TMEM260: variants seen among roughly 807,000 people sequenced by gnomAD.
TMEM260 encodes the protein protein O-mannosyl-transferase TMEM260.
A neutral mutation model predicts 88.9 loss-of-function variants in TMEM260; 82 were observed. The observed-to-expected ratio is 0.92, with a 90% CI of 0.77 to 1.11. The LOEUF (loss-of-function observed/expected upper bound fraction) is 1.11. TMEM260 is among the 50% of genes least tolerant of loss of function. The pLI, the probability that TMEM260 is intolerant of heterozygous loss-of-function variation, is 0.00. For missense variants in TMEM260, 902 were observed against 853.4 expected (o/e 1.06, Z -0.71); for synonymous variants, 314 against 309.3 (o/e 1.02, Z -0.16).
chr14:56,607,783 G>A (rs1414337667), intron 5 of TMEM260, among the ~76,000 whole-genome samples: 1 of 151,988 alleles, frequency 6.6e-6, no homozygotes, highest in Non-Finnish European at 1.5e-5. Flanking sequence ...AAGTGATCTG[G>A]GGTGAGGCCC....
intron 3 of TMEM260, among the ~76,000 whole-genome samples, chr14:56,591,846 A>T (rs1415440079): frequency 3.3e-5 from 5 of 152,188 alleles, no homozygotes; most frequent in African/African-American, 1.2e-4. Flanking sequence ...AAGTTGATGG[A>T]GTATAATAAA....
chr14:56,601,654 A>G (rs1343580770), intron 3 of TMEM260, among the ~76,000 whole-genome samples: 2 of 152,158 alleles, frequency 1.3e-5, no homozygotes, highest in Non-Finnish European at 2.9e-5. Context: ...CATTTCTTCT[A>G]CAATTATTAG....
intron 15 of TMEM260, among the ~76,000 whole-genome samples, chr14:56,644,471 A>C (rs913053161): frequency 6.6e-6 from 1 of 152,104 alleles, no homozygotes; most frequent in Non-Finnish European, 1.5e-5. Context: ...CTGAAACTGG[A>C]TCCCTTCCTT....
intron 11 of TMEM260, 24 bp from the exon 12 acceptor site, chr14:56,625,358 C>T (rs753618213): frequency 7.5e-6 from 12 of 1,607,520 alleles, no homozygotes; most frequent in South Asian, 1.1e-5. Context: ...AAAAGTCTGA[C>T]ATTATGTGTG....
intron 3 of TMEM260, among the ~76,000 whole-genome samples, chr14:56,589,502 G>A (rs906731437): frequency 3.3e-5 from 5 of 151,952 alleles, no homozygotes; most frequent in African/African-American, 1.2e-4. Context: ...TTTTCAAAAA[G>A]GTGTAGTTTC....
the TMEM260 span, among the ~76,000 whole-genome samples, chr14:56,659,573 G>A: frequency 1.3e-5 from 2 of 152,164 alleles, no homozygotes; most frequent in Non-Finnish European, 2.9e-5. Context: ...TCAGCACCTT[G>A]GGAGGCTCCG....
At chr14:56,637,861 A>G (rs1348159208) in intron 15 of TMEM260, among the ~76,000 whole-genome samples, 1 of 152,190 alleles carries the variant, frequency 6.6e-6, no homozygotes, top group Non-Finnish European at 1.5e-5. Flanking sequence ...TATCCCTGCT[A>G]TCAAAAAGGT....
chr14:56,593,247 C>T (rs1885976227), intron 3 of TMEM260: 1 of 152,080 alleles, frequency 6.6e-6, no homozygotes, highest in African/African-American at 2.4e-5. Flanking sequence ...TTCTGTTGCT[C>T]ACATTTGATG....
chr14:56,583,907 G>A (rs748418887), intron 1 of TMEM260, among the ~76,000 whole-genome samples: 4 of 131,150 alleles, frequency 3.0e-5, no homozygotes, highest in African/African-American at 8.9e-5. Flanking sequence ...AAGCTTGAAC[G>A]TCATGCTGAG....
intron 11 of TMEM260, among the ~76,000 whole-genome samples, chr14:56,624,186 G>T (rs908573783): frequency 6.6e-6 from 1 of 152,134 alleles, no homozygotes; most frequent in African/African-American, 2.4e-5. Flanking sequence ...CATTATAGAT[G>T]AGCATACTTG....
intron 12 of TMEM260, among the ~76,000 whole-genome samples, chr14:56,627,968 T>G (rs748472306): frequency 1.6e-4 from 25 of 152,256 alleles, no homozygotes; most frequent in Non-Finnish European, 3.1e-4. Context: ...ATTATAGCTT[T>G]ACCTTTTCCT....
intron 5 of TMEM260, among the ~76,000 whole-genome samples, 162 bp downstream of exon 5, chr14:56,605,845 C>G (rs568262674): frequency 6.6e-6 from 1 of 152,074 alleles, no homozygotes. Context: ...ATAGGATTTA[C>G]AAAAATTATG....
In TMEM260 at chr14:56,606,208, T is replaced by G. The variant is rs1225542285; in HGVS notation, c.636+525T>G. Among the ~76,000 whole-genome samples the G allele has an allele frequency of 3.9e-5, 6 of 152,222 alleles. No homozygotes were observed. The East Asian group carries it at 9.7e-4, about 24-fold the overall frequency. On this transcript the variant is annotated intron_variant, in intron 5 of 15. Transcript: ENST00000261556. ...ATGATTTATTGTTATTTCTTCTTTC[T>G]CTGAAAGAAAAAAATGATTGTTAAT...
intron 1 of TMEM260, among the ~76,000 whole-genome samples, chr14:56,580,529 G>C (rs1452266976): frequency 6.6e-6 from 1 of 152,226 alleles, no homozygotes; most frequent in Non-Finnish European, 1.5e-5. Flanking sequence ...ATAAGTTATG[G>C]AGACAGTAGG....
At chr14:56,659,089 TAGTA>T in the TMEM260 span, among the ~76,000 whole-genome samples, 9 of 152,148 alleles carry the variant, frequency 5.9e-5, no homozygotes, top group Non-Finnish European at 1.5e-5. Flanking sequence ...GTGTGGTTAA[TAGTA>T]AGTATTGCAC....
At chr14:56,610,375 G>A (rs979017464) in intron 6 of TMEM260, among the ~76,000 whole-genome samples, 3 of 152,006 alleles carry the variant, frequency 2.0e-5, no homozygotes, top group Non-Finnish European at 4.4e-5. Flanking sequence ...CCAGCAGCTG[G>A]GACTACAGAC....
At chr14:56,634,347 T>G (rs1288700968) in intron 13 of TMEM260, among the ~76,000 whole-genome samples, 2 of 152,224 alleles carry the variant, frequency 1.3e-5, no homozygotes, top group Admixed American at 6.5e-5. Context: ...TTTCAATGTC[T>G]TCCTGTTAAT....
chr14:56,635,124 C>T (rs898789159), intron 14 of TMEM260, among the ~76,000 whole-genome samples, 172 bp downstream of exon 14: 2 of 152,134 alleles, frequency 1.3e-5, no homozygotes, highest in African/African-American at 4.8e-5. Flanking sequence ...TATTTCAGTT[C>T]ATCCACACAA....
chr14:56,654,306 G>T (rs930590263), downstream of TMEM260, among the ~76,000 whole-genome samples: 1 of 152,130 alleles, frequency 6.6e-6, no homozygotes, highest in African/African-American at 2.4e-5. Flanking sequence ...TTACATTCCA[G>T]CTGAATCAGC....
Sources: allele counts gnomAD v4.1 joint callset (sites outside exome capture counted in the v4.1 genomes callset), GRCh38; gene constraint gnomAD v4.1.1; transcripts MANE v1.5; gene names NCBI Gene and HGNC (gene_info 2026-07-23, HGNC 2026-07-21).